The following FAM53B variants were observed in gnomAD, a reference collection of about 807,000 sequenced individuals.
The protein encoded by FAM53B is family with sequence similarity 53 member B.
Under a neutral mutation model 32.7 loss-of-function variants are expected in FAM53B, and 12 were observed. That is an observed-to-expected ratio of 0.37 (90% CI 0.24 to 0.59). The LOEUF is 0.59. FAM53B is among the 20% of genes least tolerant of loss of function. FAM53B has a pLI of 0.72. For synonymous variants in FAM53B, 234 were observed against 228.7 expected (o/e 1.02, Z -0.21); for missense variants, 477 against 577.7 (o/e 0.83, Z 1.79).
chr10:124,636,998 G>A (rs914283629), intron 4 of FAM53B, among the ~76,000 whole-genome samples: 3 of 152,138 alleles, frequency 2.0e-5, no homozygotes, highest in Non-Finnish European at 4.4e-5. Context: ...ATAAGGAGAA[G>A]GCAGGCAAGC....
At chr10:124,671,699 T>C (rs539012990) in intron 4 of FAM53B, among the ~76,000 whole-genome samples, 7 of 152,324 alleles carry the variant, frequency 4.6e-5, no homozygotes, top group South Asian at 4.1e-4. Context: ...TGAGCTCGCG[T>C]TACTGCTCAC....
In FAM53B at chr10:124,696,185, G is replaced by A. The variant is rs1223956352; in HGVS notation, c.106C>T (p.Pro36Ser). The A allele has an allele frequency of 1.9e-6, 3 of 1,613,870 alleles. No individual in the cohort carries two copies. The South Asian group carries it at 3.3e-5, about 18-fold the overall frequency. The part of the protein sequence containing the change: ...LHTPKKMSQG[P>S]TLFSCGIMEN... Reference sequence around the variant, plus strand: ...ATAATTCCACAAGAGAAAAGTGTAGGTCCTTGACTCATCTTCTTTGGCGTG... The same window carrying A: ...ATAATTCCACAAGAGAAAAGTGTAGATCCTTGACTCATCTTCTTTGGCGTG... The change falls in exon 3 of 5, where the codon CCT becomes TCT. Residue 36 changes from proline to serine, a missense_variant. Coordinates refer to ENST00000337318, the MANE Select transcript of FAM53B (RefSeq NM_014661.4).
chr10:124,631,602 G>A (rs947184518), intron 4 of FAM53B, among the ~76,000 whole-genome samples: 7 of 152,182 alleles, frequency 4.6e-5, no homozygotes, highest in South Asian at 2.1e-4. Context: ...AACCCGCCAC[G>A]CAGGCCAGAG....
intron 1 of FAM53B, among the ~76,000 whole-genome samples, chr10:124,732,925 C>T (rs1411065187): frequency 6.6e-6 from 1 of 152,148 alleles, no homozygotes; most frequent in Admixed American, 6.5e-5. Context: ...TGTCTGATCT[C>T]CTCTCTGCTC....
At chr10:124,677,990 G>C (rs910407178) in intron 4 of FAM53B, among the ~76,000 whole-genome samples, 22 of 152,204 alleles carry the variant, frequency 1.4e-4, no homozygotes, top group African/African-American at 5.1e-4. Flanking sequence ...GAGCTGCAGG[G>C]CAGGCCTCCT....
At chr10:124,653,689 C>T (rs904624867) in intron 4 of FAM53B, among the ~76,000 whole-genome samples, 1 of 152,232 alleles carries the variant, frequency 6.6e-6, no homozygotes, top group Non-Finnish European at 1.5e-5. Context: ...CTCCCAGTCT[C>T]AGCCTCGCTT....
rs1220451305 is a variant in FAM53B, at chr10:124,622,584, G to A, written c.*658C>T. On this transcript the variant is annotated 3_prime_UTR_variant, in exon 5 of 5. Transcript: ENST00000337318. ...ACAAGCACCCTCCAAATCGTTCCTT[G>A]GGCCCGAGACTCCGGACATGGCTTA... 6.6e-6 allele frequency: 1 copy of A among 152,460 alleles called. No individual in the cohort carries two copies. Among genetic ancestry groups the A allele is most frequent in the Non-Finnish European group, 1.5e-5 (1 of 68,072 alleles). The allele number at this position is 152,460 out of a possible 1,614,324, so 9.4% of individuals were successfully genotyped here.
chr10:124,674,079 C>G (rs10901803), intron 4 of FAM53B, among the ~76,000 whole-genome samples: 28,824 of 152,160 alleles, frequency 0.19, 3,856 homozygotes, highest in African/African-American at 0.38. Context: ...GCCTCTACCA[C>G]GTGGCAATAA....
chr10:124,623,462 G>C lies in FAM53B; in HGVS notation c.1049C>G (p.Pro350Arg). 1 of 1,588,672 alleles carries C rather than the reference G, an allele frequency of 6.3e-7. No individual in the cohort carries two copies. The highest frequency in any genetic ancestry group is 8.6e-7 in the Non-Finnish European group (1 of 1,168,686). The change falls in exon 5 of 5, where the codon CCC (proline) becomes CGC (arginine). Residue 350 changes from proline (P) to arginine (R), a missense_variant. Transcript: ENST00000337318. ...AGGCTCAGGGACCGGGGTCCCAGCG[G>C]GGGTCCTGCCCCCTGGGCCGGAGGC... Reference protein sequence around the residue: ...LSASGPGGRTPAGTPVPEPLP... With the variant: ...LSASGPGGRTRAGTPVPEPLP...
At chr10:124,645,643 G>C (rs1175247053) in intron 4 of FAM53B, among the ~76,000 whole-genome samples, 2 of 152,244 alleles carry the variant, frequency 1.3e-5, no homozygotes, top group Non-Finnish European at 2.9e-5. Context: ...CTTATGGAAA[G>C]CAGCGACGCA....
intron 4 of FAM53B, among the ~76,000 whole-genome samples, chr10:124,668,480 C>T (rs913559613): frequency 6.6e-6 from 1 of 152,282 alleles, no homozygotes; most frequent in Non-Finnish European, 1.5e-5. Context: ...TGGCTACCAA[C>T]TAGCAAGGGG....
intron 4 of FAM53B, among the ~76,000 whole-genome samples, chr10:124,649,472 C>G (rs1033087863): frequency 6.6e-6 from 1 of 152,166 alleles, no homozygotes; most frequent in African/African-American, 2.4e-5. Flanking sequence ...CCTGGCCGGC[C>G]CCACCTCCAG....
chr10:124,712,009 A>G (rs950809594), intron 1 of FAM53B, among the ~76,000 whole-genome samples: 3 of 152,164 alleles, frequency 2.0e-5, no homozygotes, highest in African/African-American at 7.2e-5. Context: ...GAAATGAGCT[A>G]TGATCATGCT....
intron 1 of FAM53B, among the ~76,000 whole-genome samples, chr10:124,736,554 C>T (rs755939341): frequency 3.3e-5 from 5 of 152,278 alleles, no homozygotes; most frequent in Non-Finnish European, 4.4e-5. Context: ...CCCTCTGCTC[C>T]CAGGCCCATG....
intron 2 of FAM53B, among the ~76,000 whole-genome samples, chr10:124,700,525 C>T (rs1234322061): frequency 1.3e-5 from 2 of 152,274 alleles, no homozygotes; most frequent in East Asian, 3.9e-4. Context: ...CCTCTGTTCC[C>T]GAGCCCACGC....
chr10:124,684,365 T>C (rs1171399506), intron 3 of FAM53B, among the ~76,000 whole-genome samples: 1 of 152,200 alleles, frequency 6.6e-6, no homozygotes, highest in African/African-American at 2.4e-5. Flanking sequence ...CGTCCAAAAA[T>C]CATCCAAAGT....
At chr10:124,730,998 C>T (rs954203387) in intron 1 of FAM53B, among the ~76,000 whole-genome samples, 3 of 152,184 alleles carry the variant, frequency 2.0e-5, no homozygotes, top group Non-Finnish European at 4.4e-5. Context: ...ACTTTATTTA[C>T]AAATGTAGGC....
At chr10:124,731,228 CTTG>C (rs1188596848) in intron 1 of FAM53B, among the ~76,000 whole-genome samples, 1 of 152,212 alleles carries the variant, frequency 6.6e-6, no homozygotes, top group Non-Finnish European at 1.5e-5. Context: ...TCAAAAAGTA[CTTG>C]TTGGGTGAAT....
At chr10:124,713,866 GC>G (rs1472460051) in intron 1 of FAM53B, 2 of 152,204 alleles carry the variant, frequency 1.3e-5, no homozygotes, top group African/African-American at 4.8e-5. Context: ...GGAAGTCATT[GC>G]TCTCAGAGCT....
Sources: gnomAD v4.1 joint callset for allele counts (sites outside exome capture counted in the v4.1 genomes callset) on GRCh38, gnomAD v4.1.1 for gene constraint, MANE v1.5 for transcripts, NCBI Gene and HGNC (gene_info 2026-07-23, HGNC 2026-07-21) for gene names.